The following SMPD3 variants were observed in gnomAD, a reference collection of about 807,000 sequenced individuals.
SMPD3 encodes the protein sphingomyelin phosphodiesterase 3, also known as nSMase-2.
SMPD3 carries 21 observed loss-of-function variants against 55.7 expected under a neutral mutation model. That is an observed-to-expected ratio of 0.38 (90% CI 0.27 to 0.54). SMPD3 has a LOEUF of 0.54. SMPD3 is among the 20% of genes least tolerant of loss of function. The probability of loss-of-function intolerance (pLI) is 0.80; values close to 1 mark genes in which losing one functional copy is unlikely to be tolerated. For synonymous variants in SMPD3, 457 were observed against 404.3 expected (o/e 1.13, Z -1.56); for missense variants, 842 against 899.6 (o/e 0.94, Z 0.82).
chr16:68,393,564 G>A (rs1374768302), intron 1 of SMPD3, among the ~76,000 whole-genome samples: 2 of 152,184 alleles, frequency 1.3e-5, no homozygotes, highest in African/African-American at 4.8e-5. Context: ...GCATAGACAT[G>A]TCCAGACAGA....
At chr16:68,422,754 C>T (rs2090405692) in intron 1 of SMPD3, among the ~76,000 whole-genome samples, 1 of 152,184 alleles carries the variant, frequency 6.6e-6, no homozygotes, top group South Asian at 2.1e-4. Flanking sequence ...TTTCTGCCTC[C>T]CCTGGGTGTA....
intron 1 of SMPD3, among the ~76,000 whole-genome samples, chr16:68,431,864 G>A (rs1451269051): frequency 6.6e-6 from 1 of 152,176 alleles, no homozygotes; most frequent in Admixed American, 6.5e-5. Context: ...GGAGGTTGCA[G>A]TGAGCTGAGA....
At chr16:68,444,610 G>A (rs1050384297) in intron 1 of SMPD3, among the ~76,000 whole-genome samples, 2 of 152,160 alleles carry the variant, frequency 1.3e-5, no homozygotes, top group African/African-American at 2.4e-5. Flanking sequence ...TCAGTACAAG[G>A]ATTAAACATT....
chr16:68,391,865 G>T (rs566895906), intron 1 of SMPD3, among the ~76,000 whole-genome samples: 3 of 152,184 alleles, frequency 2.0e-5, no homozygotes, highest in Non-Finnish European at 4.4e-5. Context: ...TCTGACTTAC[G>T]ATGGTGCGAC....
Position 68,404,633 on chromosome 16 carries a change from T to C in SMPD3, c.-268-17974A>G, listed in dbSNP as rs12922745. ...AGGGACTTGTCAGGGGTTCCCCAGG[T>C]AGGAAATAGGGGTCACCTGTGCCCC... On this transcript the variant is annotated intron_variant, in intron 1 of 8. Coordinates refer to ENST00000219334, the MANE Select transcript of SMPD3 (RefSeq NM_018667.4). The surrounding 1 kb of genome is among the most constrained non-coding windows in gnomAD (Gnocchi z 4.0). 4.6e-5 allele frequency among the ~76,000 whole-genome samples: 7 copies of C among 152,062 alleles called. No individual in the cohort carries two copies. In the South Asian group the frequency reaches 1.5e-3, roughly 32 times the overall value.
chr16:68,448,397 C>A lies in SMPD3; in HGVS notation c.-313G>T, dbSNP rs577242931. The A allele has an allele frequency of 6.6e-6, 1 of 152,322 alleles. No individual in the cohort carries two copies. The highest frequency in any genetic ancestry group is 1.9e-4 in the East Asian group (1 of 5,138). 9.4% of individuals were successfully genotyped at this position (152,322 alleles called of 1,614,324 possible). ...GGCGGTCAGCGCCCGGCAGCGCACC[C>A]CGCTCCTCCCGGCTCCTCACAGCCC... On this transcript the variant is annotated 5_prime_UTR_variant, in exon 1 of 9. Transcript: ENST00000219334.
At position 68,447,238 on chromosome 16, in the gene SMPD3, C is replaced by T. The variant is rs1412815391; in HGVS notation, c.-269+1115G>A. 6.6e-6 allele frequency among the ~76,000 whole-genome samples: 1 copy of T among 152,150 alleles called. No individual in the cohort carries two copies. The highest frequency in any genetic ancestry group is 1.5e-5 in the Non-Finnish European group (1 of 68,012). On this transcript the variant is annotated intron_variant, in intron 1 of 8. Transcript: ENST00000219334. The surrounding 1 kb of genome is among the most constrained non-coding windows in gnomAD (Gnocchi z 5.1). Reference sequence around the variant, plus strand: ...GTCCTGGAAGCAGGTCCCCGAGCCTCGGTTTGGGGTGCGCCCTGCATCGGA... The same window carrying T: ...GTCCTGGAAGCAGGTCCCCGAGCCTTGGTTTGGGGTGCGCCCTGCATCGGA...
intron 1 of SMPD3, among the ~76,000 whole-genome samples, chr16:68,432,104 ACT>A (rs1335386339): frequency 2.0e-5 from 3 of 151,968 alleles, no homozygotes; most frequent in East Asian, 3.9e-4. Flanking sequence ...GCACAGCAAG[ACT>A]CTGTCTCGCA....
intron 2 of SMPD3, among the ~76,000 whole-genome samples, chr16:68,379,649 C>T (rs1263479296): frequency 1.3e-5 from 2 of 152,206 alleles, no homozygotes; most frequent in South Asian, 2.1e-4. Context: ...GTTATCAGAG[C>T]CATCTGTTGT....
At chr16:68,426,174 C>T (rs537250057) in intron 1 of SMPD3, among the ~76,000 whole-genome samples, 3 of 152,286 alleles carry the variant, frequency 2.0e-5, no homozygotes, top group South Asian at 2.1e-4. Flanking sequence ...CTAAATAGGA[C>T]GTTTACATGA....
At chr16:68,365,669 G>A (rs1567778874) in intron 3 of SMPD3, among the ~76,000 whole-genome samples, 1 of 152,104 alleles carries the variant, frequency 6.6e-6, no homozygotes. Context: ...CACCCGTCTT[G>A]GATGAGAGCT....
intron 1 of SMPD3, among the ~76,000 whole-genome samples, chr16:68,409,841 C>T (rs2090284525): frequency 2.0e-5 from 3 of 152,258 alleles, no homozygotes; most frequent in African/African-American, 7.2e-5. Flanking sequence ...ATCTGCCCGC[C>T]TCAGCTTCCC....
intron 1 of SMPD3, among the ~76,000 whole-genome samples, chr16:68,390,900 G>A (rs1322314115): frequency 6.6e-6 from 1 of 152,120 alleles, no homozygotes; most frequent in Non-Finnish European, 1.5e-5. Flanking sequence ...GCTAGGGATG[G>A]CTGGTGAGAG....
intron 2 of SMPD3, among the ~76,000 whole-genome samples, chr16:68,380,218 A>G (rs2089917668): frequency 1.3e-5 from 2 of 152,376 alleles, no homozygotes; most frequent in African/African-American, 4.8e-5. Flanking sequence ...CTCACAAACC[A>G]GCCTGACAAC....
rs1173874751 is a variant in SMPD3, at chr16:68,363,835, G to A, written c.1587C>T (p.Phe529=). ...GGCGGCAGGGGTCCCTGTAGTGGGT[G>A]AACAGGGAGTGTTGCTGCTCCAGCT... ...DDKLEQQHSL[F]THYRDPCRLG... The change falls in exon 6 of 9, where the codon TTC becomes TTT. Residue 529 remains phenylalanine (F), a synonymous_variant. Coordinates refer to ENST00000219334, the MANE Select transcript of SMPD3 (RefSeq NM_018667.4). The A allele has an allele frequency of 4.5e-6, 7 of 1,570,082 alleles. No homozygotes were observed. The highest frequency in any genetic ancestry group is 6.0e-6 in the Non-Finnish European group (7 of 1,157,540).
chr16:68,402,239 C>T (rs966315775), intron 1 of SMPD3, among the ~76,000 whole-genome samples: 1 of 152,138 alleles, frequency 6.6e-6, no homozygotes, highest in Non-Finnish European at 1.5e-5. Context: ...AGCACCTCAC[C>T]TCTGCAGGCC....
rs1440316473 is a variant in SMPD3 at position 68,359,335 on chromosome 16, CAG to C, written c.*1869_*1870del. 1 of 152,392 alleles carries C rather than the reference CAG, an allele frequency of 6.6e-6. No homozygotes were observed. The highest frequency in any genetic ancestry group is 1.5e-5 in the Non-Finnish European group (1 of 68,116). The allele number at this position is 152,392 out of a possible 1,614,324, so 9.4% of individuals were successfully genotyped here. On this transcript the variant is annotated 3_prime_UTR_variant, in exon 9 of 9. Transcript: ENST00000219334. ...CAGCCCCTTGGAGGGGTGGGCCGGG[CAG>C]AGAGCCCAGCAGGATGCTCGCCCTC...
intron 1 of SMPD3, among the ~76,000 whole-genome samples, chr16:68,431,793 G>A (rs972720372): frequency 6.6e-6 from 1 of 152,144 alleles, no homozygotes; most frequent in Admixed American, 6.5e-5. Flanking sequence ...ATAGTGGTGG[G>A]CATCTGTAAT....
intron 1 of SMPD3, among the ~76,000 whole-genome samples, chr16:68,389,372 C>T (rs914012975): frequency 1.3e-5 from 2 of 152,224 alleles, no homozygotes; most frequent in African/African-American, 4.8e-5. Context: ...GGATGTGCAG[C>T]TCCACGGGAG....
Sources: gnomAD v4.1 joint callset for allele counts (sites outside exome capture counted in the v4.1 genomes callset) on GRCh38, gnomAD v4.1.1 for gene constraint, Gnocchi (gnomAD v3.1) non-coding constraint, MANE v1.5 for transcripts, NCBI Gene and HGNC (gene_info 2026-07-23, HGNC 2026-07-21) for gene names.